The following RASGEF1C variants were observed in gnomAD, a reference collection of about 807,000 sequenced individuals.
The protein encoded by RASGEF1C is ras-GEF domain-containing family member 1C.
RASGEF1C carries 27 observed loss-of-function variants against 58.1 expected under a neutral mutation model. That is an observed-to-expected ratio of 0.46 (90% CI 0.34 to 0.64). The LOEUF (loss-of-function observed/expected upper bound fraction) is 0.64, where lower values mean the gene tolerates loss of function less well. Ranked by LOEUF, RASGEF1C falls within the 30% of genes least tolerant of loss-of-function variation. RASGEF1C has a pLI of 0.01. For missense variants in RASGEF1C, 502 were observed against 605.1 expected, an observed-to-expected ratio of 0.83 and a Z score of 1.79; for synonymous variants, 243 against 246.3, an observed-to-expected ratio of 0.99 and a Z score of 0.13.
At chr5:180,117,531 T>C (rs916036378) in intron 10 of RASGEF1C, among the ~76,000 whole-genome samples, 1 of 152,196 alleles carries the variant, frequency 6.6e-6, no homozygotes, top group African/African-American at 2.4e-5. Context: ...TTCCTCTCCA[T>C]AGAGATGAAC....
At chr5:180,124,306 A>G (rs1444020987) in intron 6 of RASGEF1C, among the ~76,000 whole-genome samples, 1 of 152,178 alleles carries the variant, frequency 6.6e-6, no homozygotes, top group East Asian at 1.9e-4. Flanking sequence ...TGCTCCAAGA[A>G]CAAGTAATTC....
intron 1 of RASGEF1C, among the ~76,000 whole-genome samples, chr5:180,149,573 G>A (rs1399565964): frequency 4.0e-5 from 6 of 149,146 alleles, no homozygotes; most frequent in African/African-American, 9.9e-5. Flanking sequence ...CTCCTGCCTC[G>A]GCCTCCCAAG....
chr5:180,112,533 G>A lies in RASGEF1C; in HGVS notation c.1180-953C>T, dbSNP rs1009814713. On this transcript the variant is annotated intron_variant, in intron 11 of 13. Transcript: ENST00000361132. ...TCAGACAGAGCAGTGACTGGTGACT[G>A]GCCCAGGACTTACGGCTCCTTGGAG... Among the ~76,000 whole-genome samples the A allele has an allele frequency of 1.6e-4, 25 of 152,348 alleles. 1 individual carries two copies. Among genetic ancestry groups the A allele is most frequent in the Middle Eastern group, 3.4e-3 (1 of 294 alleles).
At chr5:180,117,994 CAA>C (rs3078957) in intron 10 of RASGEF1C, among the ~76,000 whole-genome samples, 1,202 of 108,506 alleles carry the variant, frequency 0.011, 6 homozygotes, top group Middle Eastern at 0.024. Flanking sequence ...ACTCCATCTC[CAA>C]AAAAAAAAAA....
At position 180,128,263 on chromosome 5, in the gene RASGEF1C, C is replaced by T. The variant is rs974116499; in HGVS notation, c.639+147G>A. 1.1e-5 allele frequency: 9 copies of T among 783,510 alleles called. No individual in the cohort carries two copies. The African/African-American group carries it at 1.5e-4, about 13-fold the overall frequency. 48.5% of individuals were successfully genotyped at this position (783,510 alleles called of 1,614,324 possible). On this transcript the variant is annotated intron_variant, in intron 5 of 13. Transcript: ENST00000361132. ...TGGGGTGGGCCCTTGGCCTCTGCAT[C>T]CACAAGGGGCCCAGTGCATGCTCGA...
rs549229906 is a variant in RASGEF1C at position 180,145,621 on chromosome 5, T to C, written c.-6-7563A>G. Among the ~76,000 whole-genome samples the C allele has an allele frequency of 1.1e-4, 16 of 152,344 alleles. No homozygotes were observed. In the South Asian group the frequency reaches 3.3e-3, roughly 32 times the overall value. ...TTTCATTTGCCATTTGTATATATTC[T>C]TTAGAAAAATGCCTGTTCAAGACTT... is the stretch of plus-strand genomic sequence containing the variant. On this transcript the variant is annotated intron_variant, in intron 1 of 13. Coordinates refer to ENST00000361132, the MANE Select transcript of RASGEF1C (RefSeq NM_175062.4).
chr5:180,145,390 G>A (rs1210243817), intron 1 of RASGEF1C, among the ~76,000 whole-genome samples: 14 of 152,128 alleles, frequency 9.2e-5, no homozygotes, highest in Non-Finnish European at 1.9e-4. Flanking sequence ...CAAAGTGCTG[G>A]GATTACAGGC....
At chr5:180,170,733 C>T (rs886906212) in intron 1 of RASGEF1C, among the ~76,000 whole-genome samples, 3 of 152,262 alleles carry the variant, frequency 2.0e-5, no homozygotes, top group East Asian at 1.9e-4. Context: ...AGACCTCTCC[C>T]TCCCGGGCCT....
At chr5:180,123,577 AAG>A (rs770372100) in intron 6 of RASGEF1C, among the ~76,000 whole-genome samples, 3 of 152,178 alleles carry the variant, frequency 2.0e-5, no homozygotes, top group Non-Finnish European at 4.4e-5. Flanking sequence ...TTTATGTAAA[AAG>A]AAATCAACCA....
At chr5:180,120,997 C>T in intron 7 of RASGEF1C, 63 bp downstream of exon 7, 1 of 1,187,108 alleles carries the variant, frequency 8.4e-7, no homozygotes, top group Non-Finnish European at 1.3e-6. Context: ...CCCCCGTGGG[C>T]TCCTCCCAAC....
intron 11 of RASGEF1C, 87 bp downstream of exon 11, chr5:180,114,359 A>ACAG (rs1766027975): frequency 7.7e-7 from 1 of 1,300,968 alleles, no homozygotes; most frequent in Non-Finnish European, 1.1e-6. Context: ...GTCCCCCATG[A>ACAG]GGCTGGGTGT....
rs1305856470 is a variant in RASGEF1C, at chr5:180,143,953, C to T, written c.-6-5895G>A. Among the ~76,000 whole-genome samples the T allele has an allele frequency of 6.6e-6, 1 of 152,188 alleles. No individual in the cohort carries two copies. The highest frequency in any genetic ancestry group is 1.9e-4 in the East Asian group (1 of 5,190). On this transcript the variant is annotated intron_variant, in intron 1 of 13. Coordinates refer to ENST00000361132, the MANE Select transcript of RASGEF1C (RefSeq NM_175062.4). The surrounding 1 kb of genome is among the most constrained non-coding windows in gnomAD (Gnocchi z 4.3). Reference sequence around the variant, plus strand: ...GCAGAAGGGACAGAGGTAAAGAAGGCTCCCGAAGGCCCCTGTGAGGACCAC... The same window carrying T: ...GCAGAAGGGACAGAGGTAAAGAAGGTTCCCGAAGGCCCCTGTGAGGACCAC...
intron 1 of RASGEF1C, among the ~76,000 whole-genome samples, chr5:180,146,252 C>A (rs922496150): frequency 6.6e-6 from 1 of 152,188 alleles, no homozygotes; most frequent in African/African-American, 2.4e-5. Context: ...AAGTGATTCT[C>A]CTGTCTCAGC....
rs531182532 is a variant in RASGEF1C at position 180,173,900 on chromosome 5, G to C, written c.-7+35128C>G. On this transcript the variant is annotated intron_variant, in intron 1 of 13. Transcript: ENST00000361132. The stretch of plus-strand genomic sequence containing the variant: ...TGCACTCCAGCCTGGGCAACAGAGC[G>C]AGACTGTCTCAAAACAACCACCAAA... Among the ~76,000 whole-genome samples the C allele has an allele frequency of 9.4e-5, 12 of 128,292 alleles. 1 individual carries two copies. Among genetic ancestry groups the C allele is most frequent in the Non-Finnish European group, 1.3e-4 (8 of 61,628 alleles). 84.2% of individuals were successfully genotyped at this position (128,292 alleles called of 152,430 possible).
At chr5:180,204,376 G>A (rs1756453963) in intron 1 of RASGEF1C, among the ~76,000 whole-genome samples, 1 of 152,166 alleles carries the variant, frequency 6.6e-6, no homozygotes, top group African/African-American at 2.4e-5. Context: ...TCTACATCAT[G>A]TCCAAGTGGG....
chr5:180,182,064 G>T (rs952484680), intron 1 of RASGEF1C, among the ~76,000 whole-genome samples: 1 of 151,836 alleles, frequency 6.6e-6, no homozygotes. Flanking sequence ...AATTAGCCGG[G>T]CATGGTGGCG....
chr5:180,110,279 G>A (rs1765937130), intron 12 of RASGEF1C, among the ~76,000 whole-genome samples: 2 of 152,060 alleles, frequency 1.3e-5, no homozygotes, highest in African/African-American at 4.8e-5. Context: ...GCAGGGAGGT[G>A]GCTACAGATA....
chr5:180,112,616 A>G (rs1025136095), intron 11 of RASGEF1C, among the ~76,000 whole-genome samples: 7 of 152,170 alleles, frequency 4.6e-5, no homozygotes, highest in Non-Finnish European at 8.8e-5. Flanking sequence ...GGCCAACGCT[A>G]GGGTGGGGCT....
At chr5:180,151,716 AT>A (rs1164139231) in intron 1 of RASGEF1C, among the ~76,000 whole-genome samples, 209 of 152,068 alleles carry the variant, frequency 1.4e-3, no homozygotes, top group African/African-American at 4.8e-3. Flanking sequence ...AAATTGACAA[AT>A]GGGATCTAAT....
Sources: allele counts gnomAD v4.1 joint callset (sites outside exome capture counted in the v4.1 genomes callset), GRCh38; gene constraint gnomAD v4.1.1; non-coding constraint Gnocchi (gnomAD v3.1); transcripts MANE v1.5; gene names NCBI Gene and HGNC (gene_info 2026-07-23, HGNC 2026-07-21).